WIPF1: variants seen among roughly 807,000 people sequenced by gnomAD.
WIPF1 encodes the protein WAS/WASL interacting protein family member 1, also known as WAS/WASL-interacting protein family member 1.
Under a neutral mutation model 35.4 loss-of-function variants are expected in WIPF1, and 13 were observed. The ratio of observed to expected loss-of-function variants is 0.37; its 90% CI spans 0.24 to 0.58. The LOEUF (loss-of-function observed/expected upper bound fraction) is 0.58. Among genes scored for constraint, WIPF1 ranks in the 20% least tolerant of loss-of-function variants. The pLI is 0.74. For synonymous variants in WIPF1, 267 were observed against 266.3 expected (o/e 1.00, Z -0.02); for missense variants, 591 against 667.0 (o/e 0.89, Z 1.25).
chr2:174,631,250 A>ATG (rs1687012068), intron 1 of WIPF1, among the ~76,000 whole-genome samples: 1 of 152,228 alleles, frequency 6.6e-6, no homozygotes, highest in South Asian at 2.1e-4. Flanking sequence ...GATAAAGAAA[A>ATG]TGTGATATAT....
rs1686719001 is a variant in WIPF1, at chr2:174,622,894, A to T, written c.-38-37283T>A. ...CAAGGCAGAGGCAACTACAACACCT[A>T]CCATAATGCCCTCCTAAGAGGTGTT... On this transcript the variant is annotated intron_variant, in intron 1 of 8. Transcript: ENST00000272746. The surrounding 1 kb of genome is among the most constrained non-coding windows in gnomAD (Gnocchi z 5.1). Among the ~76,000 whole-genome samples, 1 of 152,232 alleles carries T rather than the reference A, an allele frequency of 6.6e-6. No individual in the cohort carries two copies. Among genetic ancestry groups the T allele is most frequent in the Non-Finnish European group, 1.5e-5 (1 of 68,040 alleles).
chr2:174,565,016 C>CT (rs1386908922), intron 7 of WIPF1, among the ~76,000 whole-genome samples: 1 of 152,002 alleles, frequency 6.6e-6, no homozygotes, highest in African/African-American at 2.4e-5. Context: ...CTGCCTCAGC[C>CT]TCCTGAGTAG....
Position 174,575,219 on chromosome 2 carries a change from C to A in WIPF1, c.343G>T (p.Ala115Ser). 6.2e-7 allele frequency: 1 copy of A among 1,611,296 alleles called. No individual in the cohort carries two copies. The highest frequency in any genetic ancestry group is 1.1e-5 in the South Asian group (1 of 90,768). Residue 115 changes from alanine (A) to serine (S), a missense_variant, in exon 4 of 8, where the codon GCC (alanine) becomes TCC (serine). By Grantham distance (99) the Ala-to-Ser change is moderately conservative. Around this residue, in one of 3 missense-constraint regions of WIPF1, gnomAD observed 471 missense variants for 501.1 expected, o/e 0.94. Transcript: ENST00000679041. ...CTCTCCTTACCATTATCCCTGTTGG[C>A]CGTGGATCTCAGCTTCGGCATTCCA... ...QAGMPKLRST[A>S]NRDNDSGGSR...
intron 6 of WIPF1, 140 bp downstream of exon 6, chr2:174,567,721 G>T: frequency 1.1e-6 from 1 of 895,448 alleles, no homozygotes; most frequent in Non-Finnish European, 1.6e-6. Flanking sequence ...GCCTTAGAAT[G>T]GTTAGATAGT....
chr2:174,572,174 T>G lies in WIPF1; in HGVS notation c.631A>C (p.Arg211=), dbSNP rs1684885028. ...RGSPPVPGGP[R]QPSPGPTPPP... is the part of the protein sequence containing the mutation. ...GGAGTGGGCCCGGGGCTGGGCTGCC[T>G]GGGGCCTCCGGGCACTGGTGGGGAC... Residue 211 remains arginine (R), a synonymous_variant, in exon 5 of 8, where the codon AGG becomes CGG. Transcript: ENST00000679041. 6 of 1,614,022 alleles carry G rather than the reference T, an allele frequency of 3.7e-6. No individual in the cohort carries two copies. The highest frequency in any genetic ancestry group is 5.1e-6 in the Non-Finnish European group (6 of 1,179,966).
At chr2:174,566,429 T>C (rs1684662080) in intron 7 of WIPF1, 2 of 152,224 alleles carry the variant, frequency 1.3e-5, no homozygotes, top group African/African-American at 4.8e-5. Context: ...TCCATGGTAA[T>C]GGTAAATTAC....
chr2:174,562,319 G>A lies in WIPF1; in HGVS notation c.*228C>T, dbSNP rs1285942677. The A allele has an allele frequency of 6.7e-7, 1 of 1,491,636 alleles. No homozygotes were observed. Among genetic ancestry groups the A allele is most frequent in the Non-Finnish European group, 8.9e-7 (1 of 1,118,696 alleles). 92.4% of individuals were successfully genotyped at this position (1,491,636 alleles called of 1,614,324 possible). On this transcript the variant is annotated 3_prime_UTR_variant, in exon 8 of 8. Coordinates refer to ENST00000679041, the MANE Select transcript of WIPF1 (RefSeq NM_001375834.1). ...CCTATCGACCCCAGCAGCCAGCACA[G>A]GCAGGCTGCAGCTGAAGCAAGCAAT...
chr2:174,634,722 T>C (rs187740851), intron 1 of WIPF1: 8 of 152,352 alleles, frequency 5.3e-5, no homozygotes, highest in African/African-American at 1.2e-4. Context: ...GCAGAAATGA[T>C]TGTCTCCCCC....
intron 1 of WIPF1, among the ~76,000 whole-genome samples, chr2:174,627,785 T>A (rs1686894469): frequency 6.6e-6 from 1 of 152,082 alleles, no homozygotes; most frequent in African/African-American, 2.4e-5. Context: ...GCTCAAGCAA[T>A]CCTCAAGGCC....
intron 6 of WIPF1, among the ~76,000 whole-genome samples, 161 bp from the exon 7 acceptor site, chr2:174,567,344 G>A (rs1485829110): frequency 6.6e-5 from 10 of 152,338 alleles, no homozygotes; most frequent in Admixed American, 3.9e-4. Context: ...CAAAGGTCAC[G>A]AATTAGTACA....
chr2:174,633,466 T>A (rs1196550066), intron 1 of WIPF1, among the ~76,000 whole-genome samples: 1 of 152,232 alleles, frequency 6.6e-6, no homozygotes. Flanking sequence ...TGCCGTCTAG[T>A]ATGTTTCCCA....
intron 1 of WIPF1, among the ~76,000 whole-genome samples, chr2:174,652,049 G>A (rs1216887773): frequency 2.0e-5 from 3 of 152,218 alleles, no homozygotes; most frequent in Non-Finnish European, 4.4e-5. Flanking sequence ...TTTTTACATA[G>A]TGGCTCAAGT....
intron 1 of WIPF1, among the ~76,000 whole-genome samples, chr2:174,662,761 A>T (rs1687805768): frequency 6.6e-6 from 1 of 152,218 alleles, no homozygotes. Flanking sequence ...AAGCAAAACA[A>T]ATAAAGAATG....
At chr2:174,673,545 T>C (rs1269579774) in intron 1 of WIPF1, 2 of 152,394 alleles carry the variant, frequency 1.3e-5, no homozygotes, top group South Asian at 2.1e-4. Flanking sequence ...CAGTCTTGCT[T>C]GGGAACTTCT....
intron 1 of WIPF1, among the ~76,000 whole-genome samples, chr2:174,607,343 C>T (rs772687157): frequency 4.2e-4 from 64 of 152,156 alleles, no homozygotes; most frequent in Non-Finnish European, 6.9e-4. Context: ...GCGGAGGTTG[C>T]AGTGAGCCGA....
intron 1 of WIPF1, among the ~76,000 whole-genome samples, chr2:174,651,682 T>G (rs1423740957): frequency 6.6e-6 from 1 of 152,216 alleles, no homozygotes; most frequent in Non-Finnish European, 1.5e-5. Context: ...CTACCCAAGC[T>G]ATGAAGCCAG....
upstream of WIPF1, among the ~76,000 whole-genome samples, chr2:174,598,695 A>G (rs1461892625): frequency 2.0e-5 from 3 of 152,186 alleles, no homozygotes; most frequent in African/African-American, 7.2e-5. Flanking sequence ...CTGCAGATCC[A>G]TAGCTTTCTA....
At chr2:174,669,686 C>T (rs568951164) in intron 1 of WIPF1, among the ~76,000 whole-genome samples, 1 of 152,218 alleles carries the variant, frequency 6.6e-6, no homozygotes, top group Admixed American at 6.5e-5. Context: ...ACCAGTCTGG[C>T]CAACATAGCA....
At position 174,572,003 on chromosome 2, in the gene WIPF1, G is replaced by A; in HGVS notation, c.802C>T (p.Pro268Ser). 6.5e-7 allele frequency: 1 copy of A among 1,547,998 alleles called. No individual in the cohort carries two copies. The highest frequency in any genetic ancestry group is 8.7e-7 in the Non-Finnish European group (1 of 1,150,516). The change falls in exon 5 of 8, where the codon CCT becomes TCT. Residue 268 changes from proline to serine, a missense_variant. Coordinates refer to ENST00000679041, the MANE Select transcript of WIPF1 (RefSeq NM_001375834.1). ...RALDDKPPPP[P>S]PPVGNRPSIH... ...GAGGGCCTGTTGCCCACTGGAGGAG[G>A]TGGTGGAGGGGGTTTGTCATCCAAG...
Sources: gnomAD v4.1 joint callset for allele counts (sites outside exome capture counted in the v4.1 genomes callset) on GRCh38, gnomAD v4.1.1 for gene constraint, gnomAD v4.1.1 regional missense constraint, Gnocchi (gnomAD v3.1) non-coding constraint, MANE v1.5 for transcripts, NCBI Gene and HGNC (gene_info 2026-07-23, HGNC 2026-07-21) for gene names.